Variants in ADGRL3 observed in about 807,000 individuals in gnomAD.
The protein encoded by ADGRL3 is adhesion G protein-coupled receptor L3.
Under a neutral mutation model 153.5 loss-of-function variants are expected in ADGRL3, and 62 were observed. That is an observed-to-expected ratio of 0.40 (90% CI 0.33 to 0.50). The LOEUF is 0.50. ADGRL3 is among the 20% of genes least tolerant of loss of function. The pLI is 0.47. For synonymous variants in ADGRL3, 710 were observed against 672.5 expected (o/e 1.06, Z -0.86); for missense variants, 1,641 against 1,859.4 (o/e 0.88, Z 2.16).
intron 2 of ADGRL3, among the ~76,000 whole-genome samples, chr4:61,440,123 G>A (rs1035204980): frequency 5.3e-5 from 8 of 151,736 alleles, no homozygotes; most frequent in East Asian, 1.9e-4. Context: ...ATCTTGGCTC[G>A]CTGCAACCTC....
chr4:61,248,419 ATTGT>A (rs1217806012), intron 1 of ADGRL3, among the ~76,000 whole-genome samples: 2 of 152,126 alleles, frequency 1.3e-5, no homozygotes, highest in African/African-American at 4.8e-5. Flanking sequence ...CAGTCAATTT[ATTGT>A]TTATTTAAGG....
At chr4:61,768,421 G>A (rs2097031694) in intron 8 of ADGRL3, among the ~76,000 whole-genome samples, 3 of 152,052 alleles carry the variant, frequency 2.0e-5, no homozygotes, top group Admixed American at 2.0e-4. Context: ...GAGGGGACAG[G>A]AGGGAGGGAA....
chr4:62,074,911 C>G lies in ADGRL3; in HGVS notation c.*4003C>G, dbSNP rs1452019261. 6.6e-6 allele frequency: 1 copy of G among 151,942 alleles called. No homozygotes were observed. Among genetic ancestry groups the G allele is most frequent in the Non-Finnish European group, 1.5e-5 (1 of 67,990 alleles). 9.4% of individuals were successfully genotyped at this position (151,942 alleles called of 1,614,324 possible). On this transcript the variant is annotated 3_prime_UTR_variant, in exon 27 of 27. Transcript: ENST00000683033. ...GAATTAGTAACATTTATAAAGGACC[C>G]ACATATTTAATTTTAGGCATTGTCT...
chr4:61,300,605 C>G (rs1279994791), intron 1 of ADGRL3, among the ~76,000 whole-genome samples: 1 of 152,128 alleles, frequency 6.6e-6, no homozygotes, highest in African/African-American at 2.4e-5. Flanking sequence ...ACACAAATTA[C>G]ATGTCTCTGG....
chr4:61,909,042 A>G (rs1439429552), intron 11 of ADGRL3, among the ~76,000 whole-genome samples: 3 of 152,190 alleles, frequency 2.0e-5, no homozygotes, highest in African/African-American at 7.2e-5. Flanking sequence ...ACTGGGAGCA[A>G]AATTCCTTAT....
In ADGRL3 at chr4:61,983,419, T is replaced by C. The variant is rs776354795; in HGVS notation, c.3052T>C (p.Phe1018Leu). The change falls in exon 19 of 27, where the codon TTC becomes CTC. Residue 1018 changes from phenylalanine to leucine, a missense_variant. This residue lies in a region of ADGRL3 where 734 missense variants were observed against 797.0 expected (regional missense o/e 0.92). Coordinates refer to ENST00000683033, the MANE Select transcript of ADGRL3 (RefSeq NM_001387552.1). ...CAVFAALLHF[F>L]FLAAFTWMFL... is the part of the protein sequence containing the mutation. ...TGTTTTCGCTGCCCTGTTACATTTC[T>C]TCTTCTTGGCTGCCTTCACCTGGAT... 1.2e-6 allele frequency: 2 copies of C among 1,613,930 alleles called. No homozygotes were observed. The highest frequency in any genetic ancestry group is 1.7e-6 in the Non-Finnish European group (2 of 1,179,866).
intron 9 of ADGRL3, among the ~76,000 whole-genome samples, chr4:61,871,311 T>C (rs902992098): frequency 6.6e-6 from 1 of 151,300 alleles, no homozygotes; most frequent in Non-Finnish European, 1.5e-5. Context: ...CAAATGCTCA[T>C]AGCAGAATGT....
Position 62,078,207 on chromosome 4 carries a change from C to T in ADGRL3, c.*7299C>T, listed in dbSNP as rs1747760488. Reference sequence around the variant, plus strand: ...GCATTATTCTTTTCATATACACCTACCAGATTTCAAGCTATTGGATATTTC... The same window carrying T: ...GCATTATTCTTTTCATATACACCTATCAGATTTCAAGCTATTGGATATTTC... On this transcript the variant is annotated 3_prime_UTR_variant, in exon 27 of 27. Transcript: ENST00000683033. 1 of 151,908 alleles carries T rather than the reference C, an allele frequency of 6.6e-6. No individual in the cohort carries two copies. Among genetic ancestry groups the T allele is most frequent in the Non-Finnish European group, 1.5e-5 (1 of 67,868 alleles). The allele number at this position is 151,908 out of a possible 1,614,324, so 9.4% of individuals were successfully genotyped here. A position where few individuals can be genotyped will look rare whatever the true frequency, so the allele number is the denominator to read the frequency against.
At chr4:62,062,096 C>A (rs1032263777) in intron 25 of ADGRL3, among the ~76,000 whole-genome samples, 12 of 151,976 alleles carry the variant, frequency 7.9e-5, no homozygotes, top group African/African-American at 2.9e-4. Context: ...TATGAATAAT[C>A]ATTTCTCTGC....
At chr4:61,846,382 T>C (rs191809677) in intron 9 of ADGRL3, among the ~76,000 whole-genome samples, 248 of 152,120 alleles carry the variant, frequency 1.6e-3, no homozygotes, top group African/African-American at 5.8e-3. Flanking sequence ...TAGAACATAC[T>C]AAAGAAAGTG....
intron 25 of ADGRL3, among the ~76,000 whole-genome samples, chr4:62,047,153 GT>G (rs951738499): frequency 2.7e-5 from 4 of 150,462 alleles, no homozygotes; most frequent in South Asian, 2.1e-4. Flanking sequence ...TATAGATAGT[GT>G]TTTTTTTTAA....
chr4:61,495,417 A>G (rs190895902), intron 2 of ADGRL3, among the ~76,000 whole-genome samples: 5 of 152,110 alleles, frequency 3.3e-5, no homozygotes, highest in Admixed American at 6.6e-5. Context: ...CCAAGACAAA[A>G]AAAAGAAAAG....
intron 1 of ADGRL3, among the ~76,000 whole-genome samples, chr4:61,251,872 T>TA (rs1250520361): frequency 3.4e-5 from 5 of 148,630 alleles, no homozygotes; most frequent in East Asian, 2.0e-4. Context: ...AGATTCTTTT[T>TA]TTTTTTAATT....
intron 8 of ADGRL3, among the ~76,000 whole-genome samples, chr4:61,753,692 AAAT>A (rs1185044547): frequency 6.6e-6 from 1 of 152,214 alleles, no homozygotes; most frequent in Non-Finnish European, 1.5e-5. Flanking sequence ...TCTATGTTTG[AAAT>A]AATATTGGAA....
intron 23 of ADGRL3, among the ~76,000 whole-genome samples, chr4:62,036,014 C>G (rs1053894870): frequency 2.6e-5 from 4 of 152,064 alleles, no homozygotes; most frequent in African/African-American, 9.7e-5. Flanking sequence ...ACATAACTGG[C>G]TACAGCTCGA....
chr4:61,436,293 C>A (rs1057202401), intron 2 of ADGRL3, among the ~76,000 whole-genome samples: 1 of 151,976 alleles, frequency 6.6e-6, no homozygotes. Context: ...CAGTGTTAGG[C>A]AAATATTAGG....
At chr4:61,608,974 A>C (rs547362005) in intron 5 of ADGRL3, among the ~76,000 whole-genome samples, 1 of 152,306 alleles carries the variant, frequency 6.6e-6, no homozygotes, top group Non-Finnish European at 1.5e-5. Context: ...GTAAAAAAGT[A>C]ATAGTTATTT....
chr4:61,332,986 A>G (rs1296144893), intron 1 of ADGRL3, among the ~76,000 whole-genome samples: 1 of 152,162 alleles, frequency 6.6e-6, no homozygotes, highest in Non-Finnish European at 1.5e-5. Context: ...GAGAAGTATA[A>G]TGATGAGATT....
intron 1 of ADGRL3, among the ~76,000 whole-genome samples, chr4:61,359,453 C>G (rs1045937920): frequency 1.3e-5 from 2 of 152,112 alleles, no homozygotes; most frequent in Non-Finnish European, 2.9e-5. Context: ...TCTTCTCCTC[C>G]CTCCCTCTGC....
Sources: gnomAD v4.1 joint callset for allele counts (sites outside exome capture counted in the v4.1 genomes callset) on GRCh38, gnomAD v4.1.1 for gene constraint, gnomAD v4.1.1 regional missense constraint, MANE v1.5 for transcripts, NCBI Gene and HGNC (gene_info 2026-07-23, HGNC 2026-07-21) for gene names.